ACAN: variants seen among roughly 807,000 people sequenced by gnomAD.
The protein encoded by ACAN is aggrecan core protein.
Under a neutral mutation model 169.1 loss-of-function variants are expected in ACAN, and 47 were observed. The observed-to-expected ratio is 0.28, with a 90% CI of 0.22 to 0.35. The LOEUF (loss-of-function observed/expected upper bound fraction) is 0.35. ACAN is among the 10% of genes least tolerant of loss of function. The probability of loss-of-function intolerance (pLI) is 1.00; values close to 1 mark genes in which losing one functional copy is unlikely to be tolerated. For missense variants in ACAN, 2,716 were observed against 2,759.9 expected, an observed-to-expected ratio of 0.98 and a Z score of 0.36; for synonymous variants, 1,115 against 1,112.2, an observed-to-expected ratio of 1.00 and a Z score of -0.05.
rs1158275237 is a variant in ACAN, at chr15:88,873,455, G to A, written c.7448-387G>A. Among the ~76,000 whole-genome samples the A allele has an allele frequency of 6.6e-6, 1 of 152,198 alleles. No homozygotes were observed. Among genetic ancestry groups the A allele is most frequent in the Admixed American group, 6.5e-5 (1 of 15,282 alleles). Reference sequence around the variant, plus strand: ...GCTTTCAGTCTGTGGACATTGAGGTGCTGGTAGGATGCGCCCCACTGCCCC... The same window carrying A: ...GCTTTCAGTCTGTGGACATTGAGGTACTGGTAGGATGCGCCCCACTGCCCC... On this transcript the variant is annotated intron_variant, in intron 17 of 18. Transcript: ENST00000560601. The surrounding 1 kb of genome is among the most constrained non-coding windows in gnomAD (Gnocchi z 7.5).
intron 1 of ACAN, among the ~76,000 whole-genome samples, chr15:88,835,116 A>C (rs1334118574): frequency 6.6e-6 from 1 of 152,158 alleles, no homozygotes; most frequent in Non-Finnish European, 1.5e-5. Flanking sequence ...CTCTCCTAAA[A>C]TATTAATCCG....
At chr15:88,815,750 A>G (rs1458754580) in intron 1 of ACAN, among the ~76,000 whole-genome samples, 2 of 151,718 alleles carry the variant, frequency 1.3e-5, no homozygotes, top group Non-Finnish European at 2.9e-5. Flanking sequence ...GAGGTTGACT[A>G]CCAAGTAAGA....
chr15:88,842,001 A>T (rs1284251306), intron 5 of ACAN, 134 bp downstream of exon 5: 6 of 1,249,684 alleles, frequency 4.8e-6, no homozygotes, highest in Middle Eastern at 2.2e-4. Flanking sequence ...CTCCTCTGCC[A>T]TGAAGGGAGG....
chr15:88,827,780 G>A (rs541404080), intron 1 of ACAN, among the ~76,000 whole-genome samples: 8 of 152,320 alleles, frequency 5.3e-5, no homozygotes, highest in South Asian at 4.1e-4. Context: ...GTCCTACAGC[G>A]TCCTATGCTA....
In ACAN at chr15:88,858,788, A is replaced by G. The variant is rs1897125906; in HGVS notation, c.6203A>G (p.Glu2068Gly). 6.2e-7 allele frequency: 1 copy of G among 1,613,752 alleles called. No individual in the cohort carries two copies. The highest frequency in any genetic ancestry group is 1.7e-5 in the Admixed American group (1 of 59,996). Residue 2068 changes from glutamate to glycine, a missense_variant, in exon 12 of 19, where the codon GAG (glutamate) becomes GGG (glycine). Physicochemically the swap from Glu to Gly is moderately conservative, Grantham distance 98. This residue lies in a region of ACAN where 1,389 missense variants were observed against 1,363.7 expected (regional missense o/e 1.02). Coordinates refer to ENST00000560601, the MANE Select transcript of ACAN (RefSeq NM_001369268.1). The surrounding 1 kb of genome is among the most constrained non-coding windows in gnomAD (Gnocchi z 4.0). The stretch of plus-strand genomic sequence containing the variant: ...GTGACACACACACCCCAGCTTTTTG[A>G]GTCCAGTGGAAAAGTCTCCACAGCT... ...PPVTHTPQLF[E>G]SSGKVSTAGD...
chr15:88,827,209 A>G (rs2141533438), intron 1 of ACAN, among the ~76,000 whole-genome samples: 1 of 152,274 alleles, frequency 6.6e-6, no homozygotes, highest in East Asian at 1.9e-4. Context: ...AGAAGCTCCA[A>G]GAGCTCTGTG....
Position 88,838,659 on chromosome 15 carries a change from A to ACC in ACAN, c.71-3_71-2insCC, listed in dbSNP as rs1286458432. On this transcript the variant is annotated splice_region_variant and splice_polypyrimidine_tract_variant and intron_variant, in intron 2 of 18. Transcript: ENST00000560601. This position sits in a 1 kb window ranked among gnomAD's most constrained non-coding sequence, Gnocchi z 5.1. ...CTCTCTTCTACCCCACCTCTCCCAC[A>ACC]CAGACCATGACAACTCGCTGAGTGT... 1 of 1,572,434 alleles carries ACC rather than the reference A, an allele frequency of 6.4e-7. No homozygotes were observed. Among genetic ancestry groups the ACC allele is most frequent in the African/African-American group, 1.3e-5 (1 of 74,328 alleles).
rs770675399 is a variant in ACAN, at chr15:88,869,075, G to A, written c.7060+746G>A. ...TTCTGCACCACTTCTACCAAAAGGAGCTGTGCACCAGGAACCCTCCCAGGG... is the reference window on the plus strand; with the variant it reads ...TTCTGCACCACTTCTACCAAAAGGAACTGTGCACCAGGAACCCTCCCAGGG... On this transcript the variant is annotated intron_variant, in intron 14 of 18. Coordinates refer to ENST00000560601, the MANE Select transcript of ACAN (RefSeq NM_001369268.1). The surrounding 1 kb of genome is among the most constrained non-coding windows in gnomAD (Gnocchi z 4.2). Among the ~76,000 whole-genome samples the A allele has an allele frequency of 6.6e-6, 1 of 152,184 alleles. No homozygotes were observed. Among genetic ancestry groups the A allele is most frequent in the East Asian group, 1.9e-4 (1 of 5,184 alleles).
rs190099162 is a variant in ACAN, at chr15:88,858,281, G to A, written c.5696G>A (p.Ser1899Asn). The change falls in exon 12 of 19, where the codon AGT becomes AAT. Residue 1899 changes from serine to asparagine, a missense_variant. By Grantham distance (46) the Ser-to-Asn change is conservative. This residue lies in a region of ACAN where 1,389 missense variants were observed against 1,363.7 expected (regional missense o/e 1.02). Coordinates refer to ENST00000560601, the MANE Select transcript of ACAN (RefSeq NM_001369268.1). The surrounding 1 kb of genome is among the most constrained non-coding windows in gnomAD (Gnocchi z 4.0). ...ACTCCGGAATTCAGTGGCCTACCAAGTGGCATAGCTGAGGTCAGTGGAGAA... is the reference window on the plus strand; with the variant it reads ...ACTCCGGAATTCAGTGGCCTACCAAATGGCATAGCTGAGGTCAGTGGAGAA... The part of the protein sequence containing the change: ...SQTPEFSGLP[S>N]GIAEVSGESS... 208 of 1,613,946 alleles carry A rather than the reference G, an allele frequency of 1.3e-4. No individual in the cohort carries two copies. Among genetic ancestry groups the A allele is most frequent in the Non-Finnish European group, 1.6e-4 (188 of 1,179,886 alleles).
intron 1 of ACAN, among the ~76,000 whole-genome samples, chr15:88,816,392 AT>A (rs1895943093): frequency 1.3e-5 from 2 of 152,210 alleles, no homozygotes; most frequent in African/African-American, 4.8e-5. Flanking sequence ...TAAACAAATG[AT>A]GTATTCTCCC....
intron 10 of ACAN, chr15:88,850,109 T>C: frequency 1.8e-6 from 1 of 552,342 alleles, no homozygotes. Context: ...CTTGGCATAG[T>C]GCCTGGGACA....
At chr15:88,831,744 T>C (rs1321393007) in intron 1 of ACAN, among the ~76,000 whole-genome samples, 1 of 152,180 alleles carries the variant, frequency 6.6e-6, no homozygotes, top group African/African-American at 2.4e-5. Flanking sequence ...AGTTTCTTCA[T>C]CTGTAAAATG....
In ACAN at chr15:88,867,928, T is replaced by C. The variant is rs145363885; in HGVS notation, c.6947-288T>C. 3.7e-3 allele frequency among the ~76,000 whole-genome samples: 571 copies of C among 152,344 alleles called. 4 individuals are homozygous for C. Among genetic ancestry groups the C allele is most frequent in the African/African-American group, 0.013 (552 of 41,572 alleles). The stretch of plus-strand genomic sequence containing the variant: ...TCCCCGTCAGAAAAGACATTTGGCT[T>C]TAGACCTATCAGATCTCTTCAAACC... On this transcript the variant is annotated intron_variant, in intron 13 of 18. Transcript: ENST00000560601.
In ACAN at chr15:88,845,574, C is replaced by G. The variant is rs773517396; in HGVS notation, c.1121C>G (p.Thr374Arg). ...VGGEEDITVQTVTWPDMELPL... is the reference protein window; with the variant it reads ...VGGEEDITVQRVTWPDMELPL... Reference sequence around the variant, plus strand: ...GGTGAGGAGGACATCACCGTCCAGACAGTGACCTGGCCTGACATGGAGCTG... The same window carrying G: ...GGTGAGGAGGACATCACCGTCCAGAGAGTGACCTGGCCTGACATGGAGCTG... The change falls in exon 7 of 19, where the codon ACA becomes AGA. Residue 374 changes from threonine (T) to arginine (R), a missense_variant. Thr to Arg is a moderately conservative substitution (Grantham distance 71). This residue lies in a region of ACAN where 1,283 missense variants were observed against 1,281.5 expected (regional missense o/e 1.00). Coordinates refer to ENST00000560601, the MANE Select transcript of ACAN (RefSeq NM_001369268.1). The G allele has an allele frequency of 1.5e-5, 25 of 1,613,896 alleles. No individual in the cohort carries two copies. Among genetic ancestry groups the G allele is most frequent in the Non-Finnish European group, 1.9e-5 (22 of 1,179,900 alleles).
chr15:88,824,550 T>G (rs1371062762), intron 1 of ACAN, among the ~76,000 whole-genome samples: 1 of 151,924 alleles, frequency 6.6e-6, no homozygotes, highest in Non-Finnish European at 1.5e-5. Context: ...AAACAGACAG[T>G]GAACAAACAA....
chr15:88,852,382 C>T (rs951742687), intron 11 of ACAN, among the ~76,000 whole-genome samples: 11 of 152,204 alleles, frequency 7.2e-5, no homozygotes, highest in Admixed American at 4.6e-4. Context: ...AACCTCAACC[C>T]TCTCTTGTGG....
intron 1 of ACAN, among the ~76,000 whole-genome samples, chr15:88,805,259 C>G (rs1198691105): frequency 6.6e-6 from 1 of 152,012 alleles, no homozygotes; most frequent in Non-Finnish European, 1.5e-5. Context: ...GTTGGCTTGT[C>G]AATCACAGGC....
chr15:88,865,358 C>G (rs1400105418), intron 13 of ACAN, among the ~76,000 whole-genome samples: 2 of 152,214 alleles, frequency 1.3e-5, no homozygotes, highest in African/African-American at 4.8e-5. Flanking sequence ...CCTGACTCCT[C>G]CATCTCTTCC....
chr15:88,853,749 GATAGATAC>G (rs1051848390), intron 11 of ACAN, among the ~76,000 whole-genome samples: 44 of 124,662 alleles, frequency 3.5e-4, no homozygotes, highest in African/African-American at 9.9e-4. Flanking sequence ...TAGATAGATA[GATAGATAC>G]ATACATACAT....
Sources: gnomAD v4.1 joint callset for allele counts (sites outside exome capture counted in the v4.1 genomes callset) on GRCh38, gnomAD v4.1.1 for gene constraint, gnomAD v4.1.1 regional missense constraint, Gnocchi (gnomAD v3.1) non-coding constraint, MANE v1.5 for transcripts, NCBI Gene and HGNC (gene_info 2026-07-23, HGNC 2026-07-21) for gene names.